The following TANGO6 variants were observed in gnomAD, a reference collection of about 807,000 sequenced individuals.
TANGO6 encodes the protein transport and golgi organization 6 homolog.
A neutral mutation model predicts 114.2 loss-of-function variants in TANGO6; 90 were observed. That is an observed-to-expected ratio of 0.79 (90% CI 0.66 to 0.94). The LOEUF (loss-of-function observed/expected upper bound fraction) is 0.94, where lower values mean the gene tolerates loss of function less well. Among genes scored for constraint, TANGO6 ranks in the 40% least tolerant of loss-of-function variants. TANGO6 has a pLI of 0.00. For missense variants in TANGO6, 1,274 were observed against 1,315.3 expected, an observed-to-expected ratio of 0.97 and a Z score of 0.49; for synonymous variants, 477 against 509.8, an observed-to-expected ratio of 0.94 and a Z score of 0.87.
intron 15 of TANGO6, among the ~76,000 whole-genome samples, chr16:68,989,568 C>T (rs1963929035): frequency 6.6e-6 from 1 of 151,996 alleles, no homozygotes; most frequent in African/African-American, 2.4e-5. Context: ...CTTTAAAATC[C>T]TTATCTGATA....
chr16:68,916,818 A>G (rs1963012301), intron 11 of TANGO6, among the ~76,000 whole-genome samples: 1 of 151,762 alleles, frequency 6.6e-6, no homozygotes, highest in African/African-American at 2.4e-5. Context: ...TTTCCCTTAC[A>G]CTCCCTGCAC....
intron 17 of TANGO6, among the ~76,000 whole-genome samples, chr16:69,064,516 C>A (rs1960185925): frequency 6.6e-6 from 1 of 152,166 alleles, no homozygotes; most frequent in South Asian, 2.1e-4. Flanking sequence ...TCTCACCAGC[C>A]AGGCACCATC....
At chr16:68,902,762 C>T (rs1039958560) in intron 9 of TANGO6, among the ~76,000 whole-genome samples, 5 of 152,204 alleles carry the variant, frequency 3.3e-5, no homozygotes, top group Admixed American at 2.6e-4. Context: ...CTTACTCCAC[C>T]ATCTTTGCCA....
intron 1 of TANGO6, among the ~76,000 whole-genome samples, chr16:68,847,292 A>G (rs943797115): frequency 6.6e-6 from 1 of 152,202 alleles, no homozygotes; most frequent in Non-Finnish European, 1.5e-5. Flanking sequence ...ATCATGACCT[A>G]GTATTATTAT....
chr16:68,876,516 T>A (rs1210487286), intron 5 of TANGO6, among the ~76,000 whole-genome samples: 1 of 152,106 alleles, frequency 6.6e-6, no homozygotes, highest in Non-Finnish European at 1.5e-5. Context: ...TCATTTTGCT[T>A]TTTTTCATTG....
intron 7 of TANGO6, among the ~76,000 whole-genome samples, chr16:68,898,978 T>TATTATTATC (rs1294481250): frequency 6.6e-6 from 1 of 150,478 alleles, no homozygotes; most frequent in Non-Finnish European, 1.5e-5. Context: ...TTATTATTAT[T>TATTATTATC]ATTGGTTTAC....
chr16:68,994,880 C>G (rs1023151178), intron 15 of TANGO6, among the ~76,000 whole-genome samples: 1 of 152,072 alleles, frequency 6.6e-6, no homozygotes, highest in African/African-American at 2.4e-5. Context: ...CCACGGCACC[C>G]AGCTTATTTT....
At chr16:69,039,065 G>A (rs1193107770) in intron 16 of TANGO6, among the ~76,000 whole-genome samples, 1 of 152,134 alleles carries the variant, frequency 6.6e-6, no homozygotes, top group Non-Finnish European at 1.5e-5. Flanking sequence ...GATGCCTGTA[G>A]TCCCAGCTAC....
chr16:68,920,748 G>T (rs1963078950), intron 12 of TANGO6, among the ~76,000 whole-genome samples: 1 of 151,942 alleles, frequency 6.6e-6, no homozygotes, highest in Admixed American at 6.6e-5. Flanking sequence ...TTAGTGTGAA[G>T]CCCATTTCTT....
intron 15 of TANGO6, among the ~76,000 whole-genome samples, chr16:68,978,086 C>T (rs917156862): frequency 6.6e-6 from 1 of 152,156 alleles, no homozygotes; most frequent in Admixed American, 6.5e-5. Flanking sequence ...CAGACAAGTA[C>T]ACCATTATAA....
intron 4 of TANGO6, among the ~76,000 whole-genome samples, chr16:68,871,957 C>A (rs984109188): frequency 1.3e-5 from 2 of 152,116 alleles, no homozygotes; most frequent in African/African-American, 4.8e-5. Context: ...ATGGGCCAGG[C>A]GCAGTGGCTC....
chr16:68,927,485 TCAGAA>T, intron 12 of TANGO6, 78 bp from the exon 13 acceptor site: 9 of 1,479,102 alleles, frequency 6.1e-6, no homozygotes, highest in Admixed American at 5.8e-5. Context: ...CCCTTTTTTC[TCAGAA>T]TATGTTTCCT....
Position 68,860,513 on chromosome 16 carries a change from C to T in TANGO6, c.724C>T (p.Pro242Ser), listed in dbSNP as rs764349992. 1.9e-6 allele frequency: 3 copies of T among 1,612,880 alleles called. No individual in the cohort carries two copies. In the Middle Eastern group the frequency reaches 4.9e-4, roughly 266 times the overall value. ...FCPTKRKLLT[P>S]AEEVLTEEER... ...CCCAACCAAAAGAAAACTGCTAACACCTGCAGAAGAGGTAAATATACATTG... is the reference window on the plus strand; with the variant it reads ...CCCAACCAAAAGAAAACTGCTAACATCTGCAGAAGAGGTAAATATACATTG... The change falls in exon 2 of 18, where the codon CCT becomes TCT. Residue 242 changes from proline (P) to serine (S), a missense_variant. Around this residue, in one of 5 missense-constraint regions of TANGO6, gnomAD observed 908 missense variants for 910.2 expected, o/e 1.00. Coordinates refer to ENST00000261778, the MANE Select transcript of TANGO6 (RefSeq NM_024562.2).
At chr16:69,060,202 G>C (rs998915171) in intron 17 of TANGO6, among the ~76,000 whole-genome samples, 1 of 152,006 alleles carries the variant, frequency 6.6e-6, no homozygotes, top group African/African-American at 2.4e-5. Context: ...AAGTGTAATA[G>C]AGATGAGGTT....
chr16:68,934,458 C>T (rs1234820825), intron 14 of TANGO6, among the ~76,000 whole-genome samples: 1 of 152,122 alleles, frequency 6.6e-6, no homozygotes, highest in African/African-American at 2.4e-5. Context: ...TTCAAAGAGA[C>T]AAAATGACCA....
At chr16:68,984,335 A>G (rs1214859543) in intron 15 of TANGO6, among the ~76,000 whole-genome samples, 1 of 152,172 alleles carries the variant, frequency 6.6e-6, no homozygotes, top group Non-Finnish European at 1.5e-5. Context: ...TTATATTAAT[A>G]TAAATGGAAA....
At chr16:68,961,362 G>A (rs1483998153) in intron 14 of TANGO6, among the ~76,000 whole-genome samples, 1 of 152,232 alleles carries the variant, frequency 6.6e-6, no homozygotes, top group Non-Finnish European at 1.5e-5. Context: ...CCGCCACATG[G>A]CAGCTCTGTC....
At chr16:68,988,573 C>T (rs1470757756) in intron 15 of TANGO6, among the ~76,000 whole-genome samples, 1 of 151,824 alleles carries the variant, frequency 6.6e-6, no homozygotes, top group African/African-American at 2.4e-5. Context: ...CCATTTTCTC[C>T]CATTTTTTCT....
chr16:68,988,083 C>T (rs1379231422), intron 15 of TANGO6, among the ~76,000 whole-genome samples: 1 of 152,112 alleles, frequency 6.6e-6, no homozygotes, highest in Non-Finnish European at 1.5e-5. Flanking sequence ...TAACTGTCAC[C>T]CTAGTTATCT....
Sources: allele counts gnomAD v4.1 joint callset (sites outside exome capture counted in the v4.1 genomes callset), GRCh38; gene constraint gnomAD v4.1.1; regional missense constraint gnomAD v4.1.1; transcripts MANE v1.5; gene names NCBI Gene and HGNC (gene_info 2026-07-23, HGNC 2026-07-21).